Variants in LRBA observed in about 807,000 individuals in gnomAD.
LRBA encodes lipopolysaccharide-responsive and beige-like anchor protein.
LRBA carries 176 observed loss-of-function variants against 330.0 expected under a neutral mutation model. That is an observed-to-expected ratio of 0.53 (90% CI 0.47 to 0.60). LRBA has a LOEUF of 0.60. LRBA is among the 20% of genes least tolerant of loss of function. LRBA has a pLI of 0.00. For missense variants in LRBA, 3,259 were observed against 3,444.8 expected (o/e 0.95, Z 1.35); for synonymous variants, 1,230 against 1,193.0 (o/e 1.03, Z -0.64).
intron 40 of LRBA, among the ~76,000 whole-genome samples, chr4:150,556,267 T>C (rs1767302400): frequency 6.6e-6 from 1 of 152,298 alleles, no homozygotes; most frequent in East Asian, 1.9e-4. Flanking sequence ...TTCAAAAAAC[T>C]AAATTTAAAA....
intron 40 of LRBA, chr4:150,579,853 G>A (rs1322355999): frequency 2.6e-6 from 1 of 383,036 alleles, no homozygotes; most frequent in Non-Finnish European, 5.3e-6. Flanking sequence ...GGCCATTCGC[G>A]AACCAGACGC....
chr4:150,724,875 T>C (rs528623304), intron 36 of LRBA, among the ~76,000 whole-genome samples: 2 of 147,074 alleles, frequency 1.4e-5, no homozygotes, highest in African/African-American at 2.5e-5. Context: ...AATATATGTA[T>C]ATATATACAT....
chr4:150,980,689 AG>A (rs1740733538), intron 2 of LRBA, among the ~76,000 whole-genome samples: 1 of 152,178 alleles, frequency 6.6e-6, no homozygotes, highest in East Asian at 1.9e-4. Flanking sequence ...GAAAGGAAGA[AG>A]TTAAATTTCC....
chr4:150,487,734 G>T lies in LRBA; in HGVS notation c.6549C>A (p.Thr2183=). 1.3e-6 allele frequency: 2 copies of T among 1,588,214 alleles called. No homozygotes were observed. The highest frequency in any genetic ancestry group is 1.7e-6 in the Non-Finnish European group (2 of 1,160,920). ...GVGTSFGLPQ[T]RRISLASPRQ... is the part of the protein sequence containing the mutation. ...AAGTTTCTCATATAAAACAGTACCT[G>T]GTTTGAGGCAATCCAAAACTTGTTC... The change falls in exon 42 of 57, where the codon ACC becomes ACA. Residue 2183 remains threonine, a splice_region_variant and synonymous_variant. Coordinates refer to ENST00000651943, the MANE Select transcript of LRBA (RefSeq NM_001364905.1).
chr4:150,769,636 G>A (rs1016627578), intron 34 of LRBA, among the ~76,000 whole-genome samples: 2 of 152,272 alleles, frequency 1.3e-5, no homozygotes, highest in African/African-American at 4.8e-5. Context: ...AACACTAACA[G>A]GGAGGGCAAT....
At chr4:150,779,776 G>A (rs1193133770) in intron 34 of LRBA, among the ~76,000 whole-genome samples, 1 of 151,988 alleles carries the variant, frequency 6.6e-6, no homozygotes, top group Non-Finnish European at 1.5e-5. Flanking sequence ...GTTTCTGACA[G>A]CGTAATTCCA....
At chr4:150,885,292 T>C (rs1728832161) in intron 17 of LRBA, among the ~76,000 whole-genome samples, 2 of 151,448 alleles carry the variant, frequency 1.3e-5, no homozygotes, top group South Asian at 2.1e-4. Context: ...TACTTACAGA[T>C]TCAAACTCAA....
intron 31 of LRBA, among the ~76,000 whole-genome samples, chr4:150,811,376 G>C (rs1331209095): frequency 6.7e-6 from 1 of 148,728 alleles, no homozygotes; most frequent in Non-Finnish European, 1.5e-5. Flanking sequence ...CTTAAAAGTA[G>C]AAATGGAAAA....
At chr4:150,546,063 A>G (rs1255528901) in intron 40 of LRBA, among the ~76,000 whole-genome samples, 6 of 152,206 alleles carry the variant, frequency 3.9e-5, no homozygotes, top group Non-Finnish European at 5.9e-5. Context: ...TGAACAAGCA[A>G]GTCTTTTTTA....
rs949412493 is a variant in LRBA at position 150,541,798 on chromosome 4, T to C, written c.6330+46250A>G. On this transcript the variant is annotated intron_variant, in intron 40 of 56. Coordinates refer to ENST00000651943, the MANE Select transcript of LRBA (RefSeq NM_001364905.1). Reference sequence around the variant, plus strand: ...GCCTTGAACTCCTGGGCTCAAGTGATCATCCTGCCTCAGGCAGCAATAGGT... The same window carrying C: ...GCCTTGAACTCCTGGGCTCAAGTGACCATCCTGCCTCAGGCAGCAATAGGT... Among the ~76,000 whole-genome samples the C allele has an allele frequency of 4.6e-5, 7 of 152,260 alleles. No individual in the cohort carries two copies. The East Asian group carries it at 1.2e-3, about 25-fold the overall frequency.
At chr4:150,347,693 T>C (rs1282519894) in intron 48 of LRBA, among the ~76,000 whole-genome samples, 1 of 151,968 alleles carries the variant, frequency 6.6e-6, no homozygotes, top group African/African-American at 2.4e-5. Context: ...TTATGTTATA[T>C]ATATTTATCA....
intron 41 of LRBA, among the ~76,000 whole-genome samples, chr4:150,488,648 G>C (rs1758178635): frequency 6.6e-6 from 1 of 150,790 alleles, no homozygotes; most frequent in South Asian, 2.1e-4. Flanking sequence ...ATATTCATTT[G>C]GTCAGTCATG....
intron 37 of LRBA, among the ~76,000 whole-genome samples, chr4:150,632,538 A>G (rs1415154754): frequency 6.6e-6 from 1 of 152,176 alleles, no homozygotes; most frequent in Non-Finnish European, 1.5e-5. Flanking sequence ...CAAGTCAAAT[A>G]AGATTTTTTT....
At chr4:150,625,687 T>TTATATATA (rs374872258) in intron 37 of LRBA, among the ~76,000 whole-genome samples, 14 of 144,936 alleles carry the variant, frequency 9.7e-5, no homozygotes, top group African/African-American at 3.5e-4. Flanking sequence ...GGTACCGAGA[T>TTATATATA]TATATATATA....
intron 56 of LRBA, among the ~76,000 whole-genome samples, chr4:150,268,842 G>A (rs77970559): frequency 0.018 from 2,680 of 152,262 alleles, 31 homozygotes; most frequent in Non-Finnish European, 0.027. Flanking sequence ...ACAAGGCAAG[G>A]ATGCCCACTT....
chr4:150,871,272 T>C (rs1753404907), intron 19 of LRBA, 73 bp downstream of exon 19: 1 of 772,998 alleles, frequency 1.3e-6, no homozygotes, highest in Non-Finnish European at 2.2e-6. Context: ...AATGATCTTA[T>C]TTACCTACAC....
intron 37 of LRBA, among the ~76,000 whole-genome samples, chr4:150,670,204 G>C (rs1026365381): frequency 6.6e-6 from 1 of 152,076 alleles, no homozygotes; most frequent in Non-Finnish European, 1.5e-5. Flanking sequence ...GTACTGTGGT[G>C]TCTGCCAAAA....
At chr4:150,594,511 T>C (rs949306120) in intron 38 of LRBA, among the ~76,000 whole-genome samples, 6 of 152,214 alleles carry the variant, frequency 3.9e-5, no homozygotes, top group South Asian at 2.1e-4. Flanking sequence ...AGAATATACT[T>C]TGGGTTCCAT....
In LRBA at chr4:150,868,202, A is replaced by C. The variant is rs1445400705; in HGVS notation, c.2553T>G (p.Asn851Lys). 6.2e-7 allele frequency: 1 copy of C among 1,612,180 alleles called. No individual in the cohort carries two copies. Among genetic ancestry groups the C allele is most frequent in the African/African-American group, 1.3e-5 (1 of 75,026 alleles). ...AFLSDMIKLF[N>K]NSRENRRSLL... is the part of the protein sequence containing the mutation. Reference sequence around the variant, plus strand: ...CTTACCTCCTGTTTTCTCTACTGTTATTAAAAAGTTTAATCATGTCAGAAA... The same window carrying C: ...CTTACCTCCTGTTTTCTCTACTGTTCTTAAAAAGTTTAATCATGTCAGAAA... Residue 851 changes from asparagine (N) to lysine (K), a missense_variant, in exon 21 of 57, where the codon AAT (asparagine) becomes AAG (lysine). Physicochemically the swap from Asn to Lys is moderately conservative, Grantham distance 94. Coordinates refer to ENST00000651943, the MANE Select transcript of LRBA (RefSeq NM_001364905.1).
Sources: allele counts gnomAD v4.1 joint callset (sites outside exome capture counted in the v4.1 genomes callset), GRCh38; gene constraint gnomAD v4.1.1; transcripts MANE v1.5; gene names NCBI Gene and HGNC (gene_info 2026-07-23, HGNC 2026-07-21).